The following CSF2RB variants were observed in gnomAD, a reference collection of about 807,000 sequenced individuals.
CSF2RB encodes colony stimulating factor 2 receptor subunit beta.
A neutral mutation model predicts 67.2 loss-of-function variants in CSF2RB; 22 were observed. The ratio of observed to expected loss-of-function variants is 0.33; its 90% CI spans 0.23 to 0.47. CSF2RB has a LOEUF of 0.47. Ranked by LOEUF, CSF2RB falls within the 20% of genes least tolerant of loss-of-function variation. The pLI is 1.00. For missense variants in CSF2RB, 1,113 were observed against 1,174.5 expected (o/e 0.95, Z 0.76); for synonymous variants, 507 against 482.9 (o/e 1.05, Z -0.65).
intron 1 of CSF2RB, among the ~76,000 whole-genome samples, chr22:36,921,784 T>C (rs1381611588): frequency 6.6e-6 from 1 of 152,184 alleles, no homozygotes; most frequent in African/African-American, 2.4e-5. Flanking sequence ...GGGAGCTTAG[T>C]AGGAGTCAAA....
chr22:36,915,830 A>T (rs1940705393), intron 1 of CSF2RB, among the ~76,000 whole-genome samples: 1 of 152,170 alleles, frequency 6.6e-6, no homozygotes, highest in South Asian at 2.1e-4. Flanking sequence ...GGAAATTCTC[A>T]ATGTCGCGTG....
At chr22:36,919,945 A>G (rs1456568776) in intron 1 of CSF2RB, among the ~76,000 whole-genome samples, 2 of 152,172 alleles carry the variant, frequency 1.3e-5, no homozygotes, top group African/African-American at 4.8e-5. Context: ...CATTTGGGAA[A>G]CTGAATCACT....
Position 36,923,284 on chromosome 22 carries a change from C to T in CSF2RB, c.117C>T (p.Tyr39=), listed in dbSNP as rs199932177. The T allele has an allele frequency of 7.4e-6, 12 of 1,614,230 alleles. No homozygotes were observed. The East Asian group carries it at 1.8e-4, about 24-fold the overall frequency. ...PLQTLRCYND[Y]TSHITCRWAD... is the part of the protein sequence containing the mutation. ...AGACCCTGCGCTGCTACAACGACTA[C>T]ACCAGCCACATCACCTGCAGGTGGG... Residue 39 remains tyrosine, a synonymous_variant, in exon 3 of 14, where the codon TAC becomes TAT. Coordinates refer to ENST00000403662, the MANE Select transcript of CSF2RB (RefSeq NM_000395.3).
At chr22:36,935,481 C>T (rs1402042378) in intron 11 of CSF2RB, 40 bp downstream of exon 11, 2 of 1,609,770 alleles carry the variant, frequency 1.2e-6, no homozygotes, top group Non-Finnish European at 1.7e-6. Context: ...CAGCCGAGAC[C>T]CCAGAGGGCA....
chr22:36,919,104 G>A (rs1371015645), intron 1 of CSF2RB, among the ~76,000 whole-genome samples: 1 of 152,194 alleles, frequency 6.6e-6, no homozygotes, highest in Non-Finnish European at 1.5e-5. Context: ...AGTATAGGAA[G>A]GAAATAGACC....
chr22:36,932,733 G>T, intron 8 of CSF2RB, 32 bp from the exon 9 acceptor site: 1 of 1,609,320 alleles, frequency 6.2e-7, no homozygotes, highest in South Asian at 1.1e-5. Context: ...GGGTGGGTAT[G>T]ATGACTCTCC....
Position 36,929,458 on chromosome 22 carries a change from C to A in CSF2RB, c.448C>A (p.Leu150Met). 1 of 1,614,232 alleles carries A rather than the reference C, an allele frequency of 6.2e-7. No homozygotes were observed. Among genetic ancestry groups the A allele is most frequent in the African/African-American group, 1.3e-5 (1 of 75,048 alleles). ...CAGCACCGACCAGGACCACTTCCTG[C>A]TGACCTGGAGTGTGGCCCTTGGGAG... ...QISTDQDHFLLTWSVALGSPQ... is the reference protein window; with the variant it reads ...QISTDQDHFLMTWSVALGSPQ... Residue 150 changes from leucine to methionine, a missense_variant, in exon 5 of 14, where the codon CTG (leucine) becomes ATG (methionine). Leu to Met is a conservative substitution (Grantham distance 15). Transcript: ENST00000403662.
intron 1 of CSF2RB, among the ~76,000 whole-genome samples, chr22:36,914,523 T>A (rs1274742885): frequency 6.6e-6 from 1 of 151,898 alleles, no homozygotes; most frequent in East Asian, 1.9e-4. Flanking sequence ...TACCCAAGTA[T>A]GCTGGCTGGG....
At position 36,935,656 on chromosome 22, in the gene CSF2RB, T is replaced by C; in HGVS notation, c.1433T>C (p.Ile478Thr). ...YRLRRKWEEK[I>T]PNPSKSHLFQ... ...CTGCGCAGAAAGTGGGAGGAGAAGA[T>C]CCCCAACCCCAGCAAGAGCCACCTG... Residue 478 changes from isoleucine to threonine, a missense_variant, in exon 12 of 14, where the codon ATC (isoleucine) becomes ACC (threonine). Coordinates refer to ENST00000403662, the MANE Select transcript of CSF2RB (RefSeq NM_000395.3). The C allele has an allele frequency of 6.2e-7, 1 of 1,614,108 alleles. No homozygotes were observed. The highest frequency in any genetic ancestry group is 8.5e-7 in the Non-Finnish European group (1 of 1,180,020).
At position 36,929,432 on chromosome 22, in the gene CSF2RB, T is replaced by A; in HGVS notation, c.422T>A (p.Ile141Asn). The A allele has an allele frequency of 6.2e-7, 1 of 1,614,142 alleles. No homozygotes were observed. Among genetic ancestry groups the A allele is most frequent in the Non-Finnish European group, 8.5e-7 (1 of 1,180,004 alleles). Residue 141 changes from isoleucine (I) to asparagine (N), a missense_variant, in exon 5 of 14, where the codon ATC (isoleucine) becomes AAC (asparagine). By Grantham distance (149) the Ile-to-Asn change is moderately radical. Around this residue, in one of 2 missense-constraint regions of CSF2RB, gnomAD observed 559 missense variants for 656.5 expected, o/e 0.85. Transcript: ENST00000403662. ...VQPPEPRDLQ[I>N]STDQDHFLLT... ...CCTCCTGAGCCCAGGGACCTGCAGA[T>A]CAGCACCGACCAGGACCACTTCCTG...
At position 36,932,796 on chromosome 22, in the gene CSF2RB, C is replaced by T; in HGVS notation, c.1044C>T (p.Thr348=). ...IQMAPPSLNV[T]KDGDSYSLRW... ...TGGCCCCTCCATCCCTCAACGTGACCAAGGATGGAGACAGCTACAGCCTGC... is the reference window on the plus strand; with the variant it reads ...TGGCCCCTCCATCCCTCAACGTGACTAAGGATGGAGACAGCTACAGCCTGC... The change falls in exon 9 of 14, where the codon ACC becomes ACT. Residue 348 remains threonine (T), a synonymous_variant. Coordinates refer to ENST00000403662, the MANE Select transcript of CSF2RB (RefSeq NM_000395.3). 1 of 1,613,988 alleles carries T rather than the reference C, an allele frequency of 6.2e-7. No individual in the cohort carries two copies. Among genetic ancestry groups the T allele is most frequent in the Non-Finnish European group, 8.5e-7 (1 of 1,179,998 alleles).
chr22:36,929,312 A>G, intron 4 of CSF2RB, 90 bp from the exon 5 acceptor site: 1 of 1,576,086 alleles, frequency 6.3e-7, no homozygotes, highest in East Asian at 2.2e-5. Context: ...GGTGGCCTGG[A>G]ACCCCCTGTG....
rs563529548 is a variant in CSF2RB, at chr22:36,925,336, G to A, written c.201-651G>A. The stretch of plus-strand genomic sequence containing the variant: ...TGAATATTCCAGAAGCCTCGTAACT[G>A]GGCTCCCTGCTTCCAACATTGCCAC... On this transcript the variant is annotated intron_variant, in intron 3 of 13. Transcript: ENST00000403662. Among the ~76,000 whole-genome samples the A allele has an allele frequency of 7.6e-4, 116 of 152,208 alleles. 2 individuals are homozygous for A. In the South Asian group the frequency reaches 8.3e-3, roughly 11 times the overall value.
At chr22:36,928,292 G>C (rs1941068602) in intron 4 of CSF2RB, among the ~76,000 whole-genome samples, 1 of 152,150 alleles carries the variant, frequency 6.6e-6, no homozygotes, top group Non-Finnish European at 1.5e-5. Context: ...GCAGGTTTCT[G>C]ATGGGGCTCC....
intron 2 of CSF2RB, chr22:36,922,704 G>A (rs527566202): frequency 9.4e-6 from 3 of 320,454 alleles, no homozygotes; most frequent in Non-Finnish European, 1.8e-5. Flanking sequence ...CCTGAAGCCC[G>A]CACTGGGATG....
In CSF2RB at chr22:36,930,416, G is replaced by A. The variant is rs1569135929; in HGVS notation, c.760G>A (p.Gly254Arg). 7.4e-6 allele frequency: 12 copies of A among 1,613,654 alleles called. No individual in the cohort carries two copies. The highest frequency in any genetic ancestry group is 1.0e-5 in the Non-Finnish European group (12 of 1,180,022). ...QPQNLECFFD[G>R]AAVLSCSWEV... ...CCAGAACCTGGAGTGCTTCTTTGAC[G>A]GGGCCGCCGTGCTCAGCTGCTCCTG... Residue 254 changes from glycine to arginine, a missense_variant, in exon 7 of 14, where the codon GGG becomes AGG. Coordinates refer to ENST00000403662, the MANE Select transcript of CSF2RB (RefSeq NM_000395.3).
rs201184574 is a variant in CSF2RB at position 36,935,309 on chromosome 22, G to A, written c.1316-42G>A. 6.2e-5 allele frequency: 99 copies of A among 1,598,896 alleles called. 1 individual carries two copies. Among genetic ancestry groups the A allele is most frequent in the South Asian group, 3.5e-4 (32 of 90,688 alleles). ...CTCCCTGCCCTGAGGTCGATTTCCCGCCCAGATGCTGACATTCCTCTTTCT... is the reference window on the plus strand; with the variant it reads ...CTCCCTGCCCTGAGGTCGATTTCCCACCCAGATGCTGACATTCCTCTTTCT... On this transcript the variant is annotated intron_variant, in intron 10 of 13. Transcript: ENST00000403662.
At position 36,938,496 on chromosome 22, in the gene CSF2RB, G is replaced by A; in HGVS notation, c.2688G>A (p.Val896=). 4 of 1,612,490 alleles carry A rather than the reference G, an allele frequency of 2.5e-6. No homozygotes were observed. Among genetic ancestry groups the A allele is most frequent in the Non-Finnish European group, 3.4e-6 (4 of 1,179,012 alleles). ...PPWEVNKPGE[V]C Reference sequence around the variant, plus strand: ...GGGAGGTCAACAAGCCTGGGGAGGTGTGTTGAGACCCCCAGGCCTAGACAG... The same window carrying A: ...GGGAGGTCAACAAGCCTGGGGAGGTATGTTGAGACCCCCAGGCCTAGACAG... Residue 896 remains valine, a synonymous_variant, in exon 14 of 14, where the codon GTG becomes GTA. Transcript: ENST00000403662.
intron 1 of CSF2RB, among the ~76,000 whole-genome samples, chr22:36,914,963 T>G (rs1435709903): frequency 6.6e-6 from 1 of 152,178 alleles, no homozygotes; most frequent in Non-Finnish European, 1.5e-5. Context: ...AGAGACAAAG[T>G]CCCCAGCAAT....
Sources: gnomAD v4.1 joint callset for allele counts (sites outside exome capture counted in the v4.1 genomes callset) on GRCh38, gnomAD v4.1.1 for gene constraint, gnomAD v4.1.1 regional missense constraint, MANE v1.5 for transcripts, NCBI Gene and HGNC (gene_info 2026-07-23, HGNC 2026-07-21) for gene names.